TMEM177: variants seen among roughly 807,000 people sequenced by gnomAD.
TMEM177 encodes the protein transmembrane protein 177.
A neutral mutation model predicts 14.2 loss-of-function variants in TMEM177; 4 were observed. That is an observed-to-expected ratio of 0.28 (90% confidence interval 0.14 to 0.64). TMEM177 has a LOEUF of 0.64. TMEM177 is among the 30% of genes least tolerant of loss of function. The pLI, the probability that TMEM177 is intolerant of heterozygous loss-of-function variation, is 0.82. For synonymous variants in TMEM177, 179 were observed against 174.5 expected, an observed-to-expected ratio of 1.03 and a Z score of -0.20; for missense variants, 344 against 405.2, an observed-to-expected ratio of 0.85 and a Z score of 1.30.
chr2:119,716,483 G>A, the TMEM177 span, among the ~76,000 whole-genome samples: 3 of 152,124 alleles, frequency 2.0e-5, no homozygotes, highest in South Asian at 2.1e-4. Context: ...CACTTGCCAC[G>A]CCAGGATCCT....
At chr2:119,718,521 G>A in the TMEM177 span, among the ~76,000 whole-genome samples, 8 of 152,234 alleles carry the variant, frequency 5.3e-5, no homozygotes, top group African/African-American at 1.4e-4. Flanking sequence ...TTTTCCCAAC[G>A]CCTCTGGATA....
At chr2:119,696,484 G>A in the TMEM177 span, among the ~76,000 whole-genome samples, 2 of 152,276 alleles carry the variant, frequency 1.3e-5, no homozygotes, top group East Asian at 3.9e-4. Context: ...GCCAGGCTCT[G>A]TTCTGGGCCC....
chr2:119,693,967 A>ATAACCACATATG, the TMEM177 span, among the ~76,000 whole-genome samples: 2 of 142,200 alleles, frequency 1.4e-5, no homozygotes, highest in Admixed American at 6.9e-5. Flanking sequence ...AACATACCAC[A>ATAACCACATATG]CACAAACACA....
Position 119,681,064 on chromosome 2 carries a change from G to A in TMEM177, c.211G>A (p.Asp71Asn). 3 of 1,614,242 alleles carry A rather than the reference G, an allele frequency of 1.9e-6. No individual in the cohort carries two copies. The highest frequency in any genetic ancestry group is 2.2e-5 in the South Asian group (2 of 91,090). Residue 71 changes from aspartate (D) to asparagine (N), a missense_variant, in exon 2 of 2, where the codon GAC becomes AAC. Asp to Asn is a conservative substitution (Grantham distance 23). Transcript: ENST00000272521. ...LQSLFQEVLQ[D>N]IGVPSGHCYK... ...GAGCCTCTTCCAAGAGGTGCTACAG[G>A]ACATAGGTGTTCCTTCAGGCCATTG...
chr2:119,688,004 C>T (rs1689042363), downstream of TMEM177, among the ~76,000 whole-genome samples: 1 of 152,130 alleles, frequency 6.6e-6, no homozygotes, highest in South Asian at 2.1e-4. Context: ...CTGAATACTA[C>T]ATGCCCAAAG....
At chr2:119,716,458 G>A in the TMEM177 span, among the ~76,000 whole-genome samples, 2 of 152,162 alleles carry the variant, frequency 1.3e-5, no homozygotes, top group African/African-American at 4.8e-5. Context: ...ATGTGGGTAC[G>A]AGACCAGCTG....
At chr2:119,715,359 C>T in the TMEM177 span, among the ~76,000 whole-genome samples, 1 of 152,174 alleles carries the variant, frequency 6.6e-6, no homozygotes, top group Admixed American at 6.5e-5. Context: ...GCACTCCAGC[C>T]TGGACAGCAG....
downstream of TMEM177, among the ~76,000 whole-genome samples, chr2:119,690,111 C>A (rs1056058624): frequency 6.6e-6 from 1 of 152,174 alleles, no homozygotes; most frequent in Non-Finnish European, 1.5e-5. Flanking sequence ...GAATTGTAAT[C>A]CCCAGTGTTG....
At chr2:119,702,667 G>C in the TMEM177 span, among the ~76,000 whole-genome samples, 2 of 152,308 alleles carry the variant, frequency 1.3e-5, no homozygotes, top group South Asian at 2.1e-4. Flanking sequence ...ACCTGAGTCA[G>C]AGACAAGCAA....
At chr2:119,706,400 G>A in the TMEM177 span, among the ~76,000 whole-genome samples, 13 of 152,248 alleles carry the variant, frequency 8.5e-5, no homozygotes, top group Admixed American at 4.6e-4. Flanking sequence ...GAGTCTTCAC[G>A]CTTTCCAGAT....
chr2:119,720,590 C>G, the TMEM177 span, among the ~76,000 whole-genome samples: 1 of 152,100 alleles, frequency 6.6e-6, no homozygotes, highest in Non-Finnish European at 1.5e-5. Context: ...CAACTTTTTG[C>G]ATTAATTTTC....
rs1306949979 is a variant in TMEM177 at position 119,681,272 on chromosome 2, G to C, written c.419G>C (p.Arg140Thr). ...CGGAGCCCAGCAGGCGCCCGGCTGAGAGCTTCCCTGACCTTGTCCCGTGAA... is the reference window on the plus strand; with the variant it reads ...CGGAGCCCAGCAGGCGCCCGGCTGACAGCTTCCCTGACCTTGTCCCGTGAA... ...DWRSPAGARL[R>T]ASLTLSREAQ... The change falls in exon 2 of 2, where the codon AGA (arginine) becomes ACA (threonine). Residue 140 changes from arginine (R) to threonine (T), a missense_variant. Transcript: ENST00000272521. 2 of 1,614,262 alleles carry C rather than the reference G, an allele frequency of 1.2e-6. No individual in the cohort carries two copies. The highest frequency in any genetic ancestry group is 1.3e-5 in the African/African-American group (1 of 75,070).
chr2:119,695,693 C>T, the TMEM177 span, among the ~76,000 whole-genome samples: 1 of 152,364 alleles, frequency 6.6e-6, no homozygotes, highest in African/African-American at 2.4e-5. Context: ...ATTTGTAAGA[C>T]ATATTTATCA....
chr2:119,685,294 G>A (rs1688994355), downstream of TMEM177, among the ~76,000 whole-genome samples: 1 of 138,614 alleles, frequency 7.2e-6, no homozygotes, highest in Admixed American at 8.3e-5. Context: ...TACAGGGAGG[G>A]GAGTCTCAGA....
chr2:119,703,042 C>T, the TMEM177 span, among the ~76,000 whole-genome samples: 1 of 152,208 alleles, frequency 6.6e-6, no homozygotes. Flanking sequence ...TCACCGTGGC[C>T]CAGGGCGTGG....
chr2:119,712,839 C>T, the TMEM177 span, among the ~76,000 whole-genome samples: 1 of 152,176 alleles, frequency 6.6e-6, no homozygotes, highest in Non-Finnish European at 1.5e-5. Flanking sequence ...ACCTCACTGA[C>T]TGGCATGACT....
chr2:119,696,366 G>A, the TMEM177 span, among the ~76,000 whole-genome samples: 4 of 152,128 alleles, frequency 2.6e-5, no homozygotes, highest in South Asian at 2.1e-4. Flanking sequence ...CATTTGTCAC[G>A]GACCTCATGG....
downstream of TMEM177, chr2:119,685,786 T>C (rs1689003677): frequency 1.4e-6 from 1 of 713,632 alleles, no homozygotes; most frequent in Admixed American, 2.0e-5. Context: ...ATTTATACTG[T>C]CCTATTTAGC....
At chr2:119,696,823 C>T in the TMEM177 span, among the ~76,000 whole-genome samples, 10 of 144,732 alleles carry the variant, frequency 6.9e-5, no homozygotes, top group Admixed American at 2.1e-4. Flanking sequence ...GCAGGGAGGT[C>T]GGGGAGGCAG....
Sources: allele counts gnomAD v4.1 joint callset (sites outside exome capture counted in the v4.1 genomes callset), GRCh38; gene constraint gnomAD v4.1.1; transcripts MANE v1.5; gene names NCBI Gene and HGNC (gene_info 2026-07-23, HGNC 2026-07-21).